Variants in CTNNA2 observed in about 807,000 individuals in gnomAD.
CTNNA2 encodes catenin alpha-2.
In CTNNA2, 42 loss-of-function variants were observed where a neutral mutation model predicts 101.0. The ratio of observed to expected loss-of-function variants is 0.42; its 90% CI spans 0.32 to 0.54. CTNNA2 has a LOEUF of 0.54. Among genes scored for constraint, CTNNA2 ranks in the 20% least tolerant of loss-of-function variants. The pLI, the probability that CTNNA2 is intolerant of heterozygous loss-of-function variation, is 0.14. For missense variants in CTNNA2, 871 were observed against 1,223.1 expected (o/e 0.71, Z 4.29); for synonymous variants, 450 against 456.4 (o/e 0.99, Z 0.18).
chr2:79,733,367 A>G (rs1293131301), intron 2 of CTNNA2, among the ~76,000 whole-genome samples: 1 of 152,100 alleles, frequency 6.6e-6, no homozygotes, highest in East Asian at 1.9e-4. Flanking sequence ...AAGAGCTTGT[A>G]TTATGAATAA....
intron 7 of CTNNA2, among the ~76,000 whole-genome samples, chr2:80,115,159 G>C (rs1461233753): frequency 3.3e-5 from 5 of 152,190 alleles, no homozygotes; most frequent in Non-Finnish European, 5.9e-5. Flanking sequence ...CCTGACTGAG[G>C]CTTCATGCTT....
intron 9 of CTNNA2, among the ~76,000 whole-genome samples, chr2:80,467,431 A>G (rs1029692246): frequency 7.9e-5 from 12 of 152,208 alleles, no homozygotes; most frequent in Non-Finnish European, 1.5e-5. Context: ...TGGTTAGTAC[A>G]TGAAACTTCT....
chr2:79,946,690 C>G (rs996959396), intron 7 of CTNNA2, among the ~76,000 whole-genome samples: 4 of 152,132 alleles, frequency 2.6e-5, no homozygotes, highest in African/African-American at 9.7e-5. Flanking sequence ...ATGTCAGGCA[C>G]TGTGTTCTGA....
chr2:79,254,140 C>G (rs1027105473), intron 2 of CTNNA2, among the ~76,000 whole-genome samples: 3 of 152,190 alleles, frequency 2.0e-5, no homozygotes, highest in African/African-American at 4.8e-5. Context: ...CCTTGCAAAC[C>G]AGGAACTATT....
chr2:79,253,055 T>C (rs1400365689), intron 2 of CTNNA2, among the ~76,000 whole-genome samples: 1 of 152,238 alleles, frequency 6.6e-6, no homozygotes, highest in African/African-American at 2.4e-5. Flanking sequence ...TTGCTTATTC[T>C]GGAGACCCAG....
intron 4 of CTNNA2, among the ~76,000 whole-genome samples, chr2:79,450,447 A>G (rs1678880006): frequency 6.6e-6 from 1 of 152,008 alleles, no homozygotes; most frequent in Non-Finnish European, 1.5e-5. Flanking sequence ...ATTGTCTAAC[A>G]TGGCCACTCT....
At chr2:79,636,002 C>T (rs1266943902) in intron 1 of CTNNA2, among the ~76,000 whole-genome samples, 2 of 150,724 alleles carry the variant, frequency 1.3e-5, no homozygotes, top group Non-Finnish European at 3.0e-5. Context: ...TGGCTCACGC[C>T]TGTCATCCCA....
At chr2:79,984,064 C>G (rs1312689603) in intron 7 of CTNNA2, among the ~76,000 whole-genome samples, 1 of 152,112 alleles carries the variant, frequency 6.6e-6, no homozygotes, top group Admixed American at 6.5e-5. Flanking sequence ...CGAAGATTAC[C>G]TTTGTCCTAT....
intron 7 of CTNNA2, among the ~76,000 whole-genome samples, chr2:80,083,324 C>T (rs1465987376): frequency 4.6e-5 from 7 of 152,044 alleles, no homozygotes; most frequent in African/African-American, 1.7e-4. Flanking sequence ...CATTTTGTTA[C>T]GGGAACATTG....
At chr2:79,854,884 A>G (rs879270697) in intron 3 of CTNNA2, among the ~76,000 whole-genome samples, 3 of 152,192 alleles carry the variant, frequency 2.0e-5, no homozygotes, top group Non-Finnish European at 2.9e-5. Context: ...TTTCAATCTT[A>G]TAGAAAAAGC....
intron 6 of CTNNA2, among the ~76,000 whole-genome samples, chr2:79,903,108 A>G (rs755705505): frequency 1.3e-5 from 2 of 152,164 alleles, no homozygotes; most frequent in Non-Finnish European, 2.9e-5. Flanking sequence ...GACTCCTAGG[A>G]TGTAGTTTGC....
At chr2:79,826,520 G>A (rs1558556999) in intron 3 of CTNNA2, among the ~76,000 whole-genome samples, 1 of 152,316 alleles carries the variant, frequency 6.6e-6, no homozygotes, top group East Asian at 1.9e-4. Context: ...AAGTACGCAT[G>A]GCCTCCTGGA....
At chr2:80,013,277 C>T (rs928649499) in intron 7 of CTNNA2, among the ~76,000 whole-genome samples, 9 of 152,268 alleles carry the variant, frequency 5.9e-5, no homozygotes, top group African/African-American at 1.9e-4. Flanking sequence ...TGAGTTTTCA[C>T]CCTTTTATTA....
chr2:79,384,509 G>T (rs754612681), intron 4 of CTNNA2, among the ~76,000 whole-genome samples: 1 of 149,106 alleles, frequency 6.7e-6, no homozygotes, highest in Non-Finnish European at 1.5e-5. Flanking sequence ...TGAAATAAAG[G>T]TTATAAGAAA....
intron 7 of CTNNA2, among the ~76,000 whole-genome samples, chr2:80,324,077 C>T (rs1281874978): frequency 1.3e-5 from 2 of 152,156 alleles, no homozygotes; most frequent in Admixed American, 6.5e-5. Flanking sequence ...TTAATCCTCC[C>T]CCTACCCCCC....
chr2:80,577,447 C>A (rs1695151982), intron 13 of CTNNA2, among the ~76,000 whole-genome samples: 1 of 152,028 alleles, frequency 6.6e-6, no homozygotes, highest in African/African-American at 2.4e-5. Context: ...AGGTTGGAGC[C>A]AGGAACTTGA....
intron 2 of CTNNA2, among the ~76,000 whole-genome samples, chr2:79,222,331 G>A (rs1674355888): frequency 6.6e-6 from 1 of 152,170 alleles, no homozygotes; most frequent in African/African-American, 2.4e-5. Context: ...CTTGACTGAG[G>A]GAATGAGTTC....
At chr2:79,855,704 A>G (rs367788071) in intron 3 of CTNNA2, among the ~76,000 whole-genome samples, 14 of 142,770 alleles carry the variant, frequency 9.8e-5, no homozygotes, top group African/African-American at 3.4e-4. Context: ...TTTCACCTGC[A>G]GGAACTGGGA....
At chr2:80,250,966 G>T (rs160863) in intron 7 of CTNNA2, among the ~76,000 whole-genome samples, 60,807 of 151,992 alleles carry the variant, frequency 0.4, 14,440 homozygotes, top group Non-Finnish European at 0.54. Flanking sequence ...TAACTCTAGA[G>T]TAGTCATCAA....
Sources: gnomAD v4.1 joint callset for allele counts (sites outside exome capture counted in the v4.1 genomes callset) on GRCh38, gnomAD v4.1.1 for gene constraint, MANE v1.5 for transcripts, NCBI Gene and HGNC (gene_info 2026-07-23, HGNC 2026-07-21) for gene names.